The following SH3GL2 variants were observed in gnomAD, a reference collection of about 807,000 sequenced individuals.
SH3GL2 encodes SH3 domain containing GRB2 like 2, endophilin A1, also known as endophilin-A1.
In SH3GL2, 24 loss-of-function variants were observed where a neutral mutation model predicts 46.0. The observed-to-expected ratio is 0.52, with a 90% CI of 0.38 to 0.73. The LOEUF is 0.73. SH3GL2 is among the 30% of genes least tolerant of loss of function. The pLI is 0.00. For missense variants in SH3GL2, 413 were observed against 424.2 expected (o/e 0.97, Z 0.23); for synonymous variants, 196 against 147.1 (o/e 1.33, Z -2.40).
intron 2 of SH3GL2, among the ~76,000 whole-genome samples, chr9:17,750,955 C>T (rs555112460): frequency 6.6e-6 from 1 of 152,272 alleles, no homozygotes; most frequent in African/African-American, 2.4e-5. Flanking sequence ...AATATTCAGG[C>T]TGGGTACATC....
intron 2 of SH3GL2, among the ~76,000 whole-genome samples, chr9:17,759,108 T>A (rs903611564): frequency 6.6e-6 from 1 of 152,116 alleles, no homozygotes; most frequent in Non-Finnish European, 1.5e-5. Flanking sequence ...AATGAGAAAC[T>A]AGCTTTCACA....
intron 3 of SH3GL2, among the ~76,000 whole-genome samples, chr9:17,778,404 T>G (rs1823706008): frequency 6.6e-6 from 1 of 152,154 alleles, no homozygotes; most frequent in African/African-American, 2.4e-5. Context: ...TGAATTAAAA[T>G]GAAGAGTAAG....
intron 1 of SH3GL2, among the ~76,000 whole-genome samples, chr9:17,630,194 G>C (rs1175969670): frequency 6.6e-6 from 1 of 152,116 alleles, no homozygotes; most frequent in Non-Finnish European, 1.5e-5. Context: ...TGAGTTGCTG[G>C]GTTTGTGGTA....
In SH3GL2 at chr9:17,701,178, A is replaced by G. The variant is rs3780230; in HGVS notation, c.46-45888A>G. Among the ~76,000 whole-genome samples, 186 of 152,362 alleles carry G rather than the reference A, an allele frequency of 1.2e-3. 6 individuals carry two copies. The East Asian group carries it at 0.027, about 22-fold the overall frequency. On this transcript the variant is annotated intron_variant, in intron 1 of 8. Transcript: ENST00000380607. ...CCTCTGGTTTCTGAATAAACATTGT[A>G]TACACAGAAGAAATCAGTACGCAGA...
At chr9:17,717,382 C>A (rs1412711625) in intron 1 of SH3GL2, among the ~76,000 whole-genome samples, 1 of 152,074 alleles carries the variant, frequency 6.6e-6, no homozygotes, top group East Asian at 1.9e-4. Context: ...CTAGCAAAGT[C>A]ATATGAAATT....
intron 1 of SH3GL2, among the ~76,000 whole-genome samples, chr9:17,633,520 A>C (rs994452434): frequency 1.3e-5 from 2 of 152,218 alleles, no homozygotes; most frequent in Non-Finnish European, 2.9e-5. Flanking sequence ...GAAAGTGTAA[A>C]TAGCTGTAAT....
At chr9:17,669,854 G>A (rs1820430088) in intron 1 of SH3GL2, among the ~76,000 whole-genome samples, 1 of 152,078 alleles carries the variant, frequency 6.6e-6, no homozygotes, top group African/African-American at 2.4e-5. Flanking sequence ...TCAAGGACAT[G>A]GATACACCAA....
intron 3 of SH3GL2, among the ~76,000 whole-genome samples, chr9:17,778,844 G>T (rs1202802368): frequency 6.6e-6 from 1 of 152,136 alleles, no homozygotes; most frequent in Non-Finnish European, 1.5e-5. Context: ...GAAGTCTAGT[G>T]CCTGAGCAAG....
At chr9:17,688,401 C>T (rs949606521) in intron 1 of SH3GL2, among the ~76,000 whole-genome samples, 1 of 151,996 alleles carries the variant, frequency 6.6e-6, no homozygotes, top group South Asian at 2.1e-4. Flanking sequence ...AGAGAAGTAA[C>T]GTACTGTTTA....
intron 1 of SH3GL2, among the ~76,000 whole-genome samples, chr9:17,664,996 A>C (rs1049016394): frequency 6.6e-6 from 1 of 152,154 alleles, no homozygotes; most frequent in Non-Finnish European, 1.5e-5. Flanking sequence ...TCAAACTTAC[A>C]TAAAAGTTCC....
intron 3 of SH3GL2, among the ~76,000 whole-genome samples, chr9:17,769,460 C>CTCTGCTTGTAACTCTCCACTGGCTTCCA (rs1473822563): frequency 6.6e-6 from 1 of 152,132 alleles, no homozygotes; most frequent in Non-Finnish European, 1.5e-5. Flanking sequence ...CTTGTCACTC[C>CTCTGCTTGTAACTCTCCACTGGCTTCCA]TCTGCTTGTA....
At chr9:17,648,400 G>T (rs1180365842) in intron 1 of SH3GL2, among the ~76,000 whole-genome samples, 3 of 152,156 alleles carry the variant, frequency 2.0e-5, no homozygotes, top group Non-Finnish European at 4.4e-5. Context: ...TAAAATGTTG[G>T]GTTGGAAAGG....
intron 1 of SH3GL2, among the ~76,000 whole-genome samples, chr9:17,648,405 G>A (rs1316690087): frequency 6.6e-6 from 1 of 152,188 alleles, no homozygotes; most frequent in Non-Finnish European, 1.5e-5. Flanking sequence ...TGTTGGGTTG[G>A]AAAGGAATTT....
At chr9:17,741,136 C>T (rs1392037339) in intron 1 of SH3GL2, among the ~76,000 whole-genome samples, 3 of 152,040 alleles carry the variant, frequency 2.0e-5, no homozygotes, top group Admixed American at 6.6e-5. Context: ...ACTCTTAAAA[C>T]CTATGCATAC....
intron 1 of SH3GL2, among the ~76,000 whole-genome samples, chr9:17,628,422 G>A (rs1819338513): frequency 1.5e-5 from 1 of 67,212 alleles, no homozygotes; most frequent in African/African-American, 6.1e-5. Flanking sequence ...GTGTGTGTGT[G>A]TGTGTGTGTG....
At chr9:17,582,080 A>G (rs1818288060) in intron 1 of SH3GL2, among the ~76,000 whole-genome samples, 1 of 152,240 alleles carries the variant, frequency 6.6e-6, no homozygotes, top group Non-Finnish European at 1.5e-5. Flanking sequence ...GATAAATAAA[A>G]CAGTATATTG....
intron 2 of SH3GL2, chr9:17,755,872 A>G (rs946240699): frequency 1.4e-4 from 79 of 580,918 alleles, no homozygotes; most frequent in Non-Finnish European, 1.6e-4. Context: ...ACCCCATTCT[A>G]GTCATTTCCA....
chr9:17,658,341 C>G (rs3808723), intron 1 of SH3GL2, among the ~76,000 whole-genome samples: 80,994 of 151,990 alleles, frequency 0.53, 23,032 homozygotes, highest in African/African-American at 0.72. Context: ...GCAAATTATA[C>G]TGCTTCCTGT....
intron 1 of SH3GL2, among the ~76,000 whole-genome samples, chr9:17,635,887 G>A (rs942729333): frequency 4.6e-5 from 7 of 152,170 alleles, no homozygotes; most frequent in Non-Finnish European, 7.3e-5. Flanking sequence ...AAAAATGGCA[G>A]TTTCTATTTT....
Sources: allele counts gnomAD v4.1 joint callset (sites outside exome capture counted in the v4.1 genomes callset), GRCh38; gene constraint gnomAD v4.1.1; transcripts MANE v1.5; gene names NCBI Gene and HGNC (gene_info 2026-07-23, HGNC 2026-07-21).